The following BABAM2 variants were observed in gnomAD, a reference collection of about 807,000 sequenced individuals.
BABAM2 encodes the protein BRISC and BRCA1 A complex member 2.
BABAM2 carries 31 observed loss-of-function variants against 54.7 expected under a neutral mutation model. The ratio of observed to expected loss-of-function variants is 0.57; its 90% CI spans 0.43 to 0.77. BABAM2 has a LOEUF of 0.77. Among genes scored for constraint, BABAM2 ranks in the 30% least tolerant of loss-of-function variants. The pLI, the probability that BABAM2 is intolerant of heterozygous loss-of-function variation, is 0.00. For synonymous variants in BABAM2, 167 were observed against 162.9 expected (o/e 1.03, Z -0.19); for missense variants, 364 against 455.8 (o/e 0.80, Z 1.83).
chr2:28,244,344 A>T lies in BABAM2; in HGVS notation c.852-436A>T, dbSNP rs138135930. ...AAGTCAGACTTAACAATCACTGTAC[A>T]GGTAGTATGCTGACATTTGGCATTG... On this transcript the variant is annotated intron_variant, in intron 9 of 11. Coordinates refer to ENST00000379624, the MANE Select transcript of BABAM2 (RefSeq NM_199191.3). Among the ~76,000 whole-genome samples, 888 of 152,356 alleles carry T rather than the reference A, an allele frequency of 5.8e-3. 14 individuals are homozygous for T. Among genetic ancestry groups the T allele is most frequent in the African/African-American group, 0.02 (841 of 41,574 alleles).
At chr2:27,993,811 T>C (rs1672942218) in intron 4 of BABAM2, among the ~76,000 whole-genome samples, 3 of 152,072 alleles carry the variant, frequency 2.0e-5, no homozygotes, top group Non-Finnish European at 4.4e-5. Context: ...AATGTAAGAG[T>C]ACCAATGCCT....
chr2:28,327,382 C>T, intron 11 of BABAM2: 1 of 1,613,666 alleles, frequency 6.2e-7, no homozygotes, highest in East Asian at 2.2e-5. Flanking sequence ...ACTGGCCAAG[C>T]TCCAGAGGGC....
intron 4 of BABAM2, among the ~76,000 whole-genome samples, chr2:28,010,668 A>C (rs953901081): frequency 1.3e-5 from 2 of 152,088 alleles, no homozygotes; most frequent in African/African-American, 4.8e-5. Context: ...GGCTTTAACT[A>C]TAAAGAGAAT....
Position 28,262,370 on chromosome 2 carries a change from C to G in BABAM2, c.934+17508C>G, listed in dbSNP as rs151022775. On this transcript the variant is annotated intron_variant, in intron 10 of 11. Coordinates refer to ENST00000379624, the MANE Select transcript of BABAM2 (RefSeq NM_199191.3). Reference sequence around the variant, plus strand: ...TTTGCTTTTATAAGAATACACTTTTCAGGTATTATGTAAAAGATGATTTGG... The same window carrying G: ...TTTGCTTTTATAAGAATACACTTTTGAGGTATTATGTAAAAGATGATTTGG... Among the ~76,000 whole-genome samples, 53 of 152,186 alleles carry G rather than the reference C, an allele frequency of 3.5e-4. 1 individual carries two copies. The East Asian group carries it at 9.3e-3, about 27-fold the overall frequency.
At chr2:28,264,585 A>G (rs1165626254) in intron 10 of BABAM2, among the ~76,000 whole-genome samples, 3 of 152,212 alleles carry the variant, frequency 2.0e-5, no homozygotes, top group Admixed American at 6.5e-5. Context: ...GTGGGCCAAA[A>G]CCGTCAGTTC....
chr2:27,965,457 C>G (rs1670766246), intron 3 of BABAM2, among the ~76,000 whole-genome samples: 1 of 152,178 alleles, frequency 6.6e-6, no homozygotes, highest in South Asian at 2.1e-4. Flanking sequence ...TGTCCTCCAT[C>G]AGCTTTTTCC....
intron 7 of BABAM2, among the ~76,000 whole-genome samples, chr2:28,147,314 C>T (rs1671582797): frequency 6.6e-6 from 1 of 152,146 alleles, no homozygotes; most frequent in Non-Finnish European, 1.5e-5. Flanking sequence ...ACATCATTTG[C>T]TTAAGTTCAC....
chr2:28,324,957 A>T (rs922285920), intron 11 of BABAM2, among the ~76,000 whole-genome samples: 1 of 152,218 alleles, frequency 6.6e-6, no homozygotes, highest in Non-Finnish European at 1.5e-5. Context: ...TCTGGCATGT[A>T]GTAGGCACCT....
chr2:28,258,615 C>CTTTTTTTTTTTTTTTT (rs70956008), intron 10 of BABAM2, among the ~76,000 whole-genome samples: 5 of 100,044 alleles, frequency 5.0e-5, no homozygotes, highest in Admixed American at 1.3e-4. Flanking sequence ...TTTTTCTTTT[C>CTTTTTTTTTTTTTTTT]TTTTTTTTTT....
At chr2:27,983,779 C>A (rs1416984093) in intron 3 of BABAM2, among the ~76,000 whole-genome samples, 1 of 151,772 alleles carries the variant, frequency 6.6e-6, no homozygotes, top group Non-Finnish European at 1.5e-5. Context: ...TACAGAAATG[C>A]GGTTGATTTT....
intron 6 of BABAM2, among the ~76,000 whole-genome samples, chr2:28,089,363 G>A (rs1665963670): frequency 6.6e-6 from 1 of 152,144 alleles, no homozygotes; most frequent in African/African-American, 2.4e-5. Flanking sequence ...TAACAACTAT[G>A]TCTTGGCCAC....
intron 3 of BABAM2, among the ~76,000 whole-genome samples, chr2:27,940,672 A>G (rs530563083): frequency 6.9e-5 from 10 of 145,012 alleles, no homozygotes; most frequent in Non-Finnish European, 7.7e-5. Context: ...GGTTTAAACA[A>G]TTTATTTTAA....
intron 2 of BABAM2, among the ~76,000 whole-genome samples, chr2:27,912,144 A>C (rs1666648599): frequency 6.6e-6 from 1 of 152,216 alleles, no homozygotes; most frequent in South Asian, 2.1e-4. Context: ...ATGGAAAGGG[A>C]ATACAATTTC....
chr2:28,114,975 T>A (rs1371319155), intron 6 of BABAM2, among the ~76,000 whole-genome samples: 1 of 152,186 alleles, frequency 6.6e-6, no homozygotes, highest in African/African-American at 2.4e-5. Context: ...ATGTAGTCAT[T>A]CATATACACA....
At chr2:28,143,452 T>A (rs1671234536) in intron 7 of BABAM2, among the ~76,000 whole-genome samples, 1 of 152,134 alleles carries the variant, frequency 6.6e-6, no homozygotes, top group South Asian at 2.1e-4. Context: ...CTATAATTAA[T>A]AATGTTATAT....
At chr2:28,149,434 T>C (rs1671811991) in intron 7 of BABAM2, among the ~76,000 whole-genome samples, 1 of 152,232 alleles carries the variant, frequency 6.6e-6, no homozygotes, top group Non-Finnish European at 1.5e-5. Context: ...GTAGTTTAAC[T>C]TTACATTTAT....
chr2:28,243,644 T>A (rs1177210478), intron 9 of BABAM2, among the ~76,000 whole-genome samples: 1 of 151,942 alleles, frequency 6.6e-6, no homozygotes, highest in African/African-American at 2.4e-5. Flanking sequence ...GAGGCAGAGG[T>A]TGCAGTGAGC....
At chr2:28,104,652 C>G (rs1424987302) in intron 6 of BABAM2, among the ~76,000 whole-genome samples, 1 of 152,138 alleles carries the variant, frequency 6.6e-6, no homozygotes, top group Non-Finnish European at 1.5e-5. Flanking sequence ...GGATCTAGAA[C>G]TAGAAATACC....
intron 7 of BABAM2, among the ~76,000 whole-genome samples, chr2:28,151,833 G>A (rs1321179449): frequency 1.3e-5 from 2 of 152,166 alleles, no homozygotes; most frequent in African/African-American, 2.4e-5. Flanking sequence ...TTTTCTTGGA[G>A]AGAAGAGTTT....
Sources: gnomAD v4.1 joint callset for allele counts (sites outside exome capture counted in the v4.1 genomes callset) on GRCh38, gnomAD v4.1.1 for gene constraint, MANE v1.5 for transcripts, NCBI Gene and HGNC (gene_info 2026-07-23, HGNC 2026-07-21) for gene names.